PTPRG: variants seen among roughly 807,000 people sequenced by gnomAD.
PTPRG encodes the protein protein tyrosine phosphatase receptor type G.
In PTPRG, 102 loss-of-function variants were observed where a neutral mutation model predicts 165.3. That is an observed-to-expected ratio of 0.62 (90% CI 0.53 to 0.73). The LOEUF is 0.73. Ranked by LOEUF, PTPRG falls within the 30% of genes least tolerant of loss-of-function variation. PTPRG has a pLI of 0.00. For synonymous variants in PTPRG, 675 were observed against 669.5 expected (o/e 1.01, Z -0.13); for missense variants, 1,866 against 1,861.4 (o/e 1.00, Z -0.05).
chr3:61,906,777 CTGTAGGTA>C (rs1194125981), intron 2 of PTPRG, among the ~76,000 whole-genome samples: 2 of 141,138 alleles, frequency 1.4e-5, no homozygotes, highest in Non-Finnish European at 3.1e-5. Flanking sequence ...GAGTGAGACC[CTGTAGGTA>C]GGTAGGTAGG....
At chr3:61,670,524 C>A (rs886883613) in intron 1 of PTPRG, among the ~76,000 whole-genome samples, 16 of 152,202 alleles carry the variant, frequency 1.1e-4, no homozygotes, top group African/African-American at 3.9e-4. Flanking sequence ...CCTTATTGAT[C>A]AGCGCGACAT....
chr3:61,736,467 T>C (rs2032729254), intron 1 of PTPRG, among the ~76,000 whole-genome samples: 1 of 150,870 alleles, frequency 6.6e-6, no homozygotes, highest in Non-Finnish European at 1.5e-5. Flanking sequence ...TTTTCCCCCA[T>C]TGATCTGTCT....
chr3:61,561,986 C>G lies in PTPRG; in HGVS notation c.-302C>G, dbSNP rs973840788. 1.5e-4 allele frequency: 38 copies of G among 248,454 alleles called. No homozygotes were observed. The Admixed American group carries it at 2.0e-3, about 13-fold the overall frequency. The allele number at this position is 248,454 out of a possible 1,614,324, so 15.4% of individuals were successfully genotyped here. ...CTGCCCCAGGCCCGGGGCATCGCCG[C>G]CGGCCGCCGACTCCGCGCCCTGCCC... On this transcript the variant is annotated 5_prime_UTR_variant, in exon 1 of 30. Transcript: ENST00000474889.
chr3:61,918,329 G>A (rs1382076942), intron 2 of PTPRG, among the ~76,000 whole-genome samples: 1 of 152,088 alleles, frequency 6.6e-6, no homozygotes, highest in Non-Finnish European at 1.5e-5. Context: ...GCTTATAAAT[G>A]AGAAAGGAAA....
At chr3:62,112,879 C>T (rs1702721315) in intron 5 of PTPRG, among the ~76,000 whole-genome samples, 1 of 152,186 alleles carries the variant, frequency 6.6e-6, no homozygotes, top group Admixed American at 6.5e-5. Flanking sequence ...GTCAGATGTC[C>T]ATGATTGACT....
At position 62,213,552 on chromosome 3, in the gene PTPRG, G is replaced by A. The variant is rs1700418214; in HGVS notation, c.2156-5299G>A. ...TACCATTTGTCTCCCTTTGATACAG[G>A]AGTGAACAGACACTCAGAGATGGGC... is the stretch of plus-strand genomic sequence containing the variant. On this transcript the variant is annotated intron_variant, in intron 12 of 29. Coordinates refer to ENST00000474889, the MANE Select transcript of PTPRG (RefSeq NM_002841.4). The surrounding 1 kb of genome is among the most constrained non-coding windows in gnomAD (Gnocchi z 4.4). Among the ~76,000 whole-genome samples, 1 of 152,066 alleles carries A rather than the reference G, an allele frequency of 6.6e-6. No homozygotes were observed.
At chr3:62,191,760 C>T (rs1041558111) in intron 9 of PTPRG, 107 bp downstream of exon 9, 36 of 1,159,278 alleles carry the variant, frequency 3.1e-5, no homozygotes, top group Non-Finnish European at 4.3e-5. Flanking sequence ...CATCTGTCCT[C>T]ACACTGTCTG....
In PTPRG at chr3:62,281,620, T is replaced by A; in HGVS notation, c.3823T>A (p.Phe1275Ile). 6.3e-7 allele frequency: 1 copy of A among 1,577,810 alleles called. No individual in the cohort carries two copies. The highest frequency in any genetic ancestry group is 8.6e-7 in the Non-Finnish European group (1 of 1,161,424). ...AGAAGAATCCATGAACTGTGAGGCC[T>A]TTACCGTCACCCTTATCAGCAAAGA... ...SREESMNCEA[F>I]TVTLISKDRL... The change falls in exon 27 of 30, where the codon TTT becomes ATT. Residue 1275 changes from phenylalanine (F) to isoleucine (I), a missense_variant. Physicochemically the swap from Phe to Ile is conservative, Grantham distance 21. Transcript: ENST00000474889.
In PTPRG at chr3:62,007,120, G is replaced by A. The variant is rs114981339; in HGVS notation, c.519+3623G>A. Among the ~76,000 whole-genome samples, 1,282 of 152,216 alleles carry A rather than the reference G, an allele frequency of 8.4e-3. 27 individuals are homozygous for A. Among genetic ancestry groups the A allele is most frequent in the African/African-American group, 0.03 (1,232 of 41,530 alleles). ...GAATTTTAACAGCTCCCTCTGTGCTGTGGCTCTGCAGGCTGAATTTTAAAC... is the reference window on the plus strand; with the variant it reads ...GAATTTTAACAGCTCCCTCTGTGCTATGGCTCTGCAGGCTGAATTTTAAAC... On this transcript the variant is annotated intron_variant, in intron 4 of 29. Coordinates refer to ENST00000474889, the MANE Select transcript of PTPRG (RefSeq NM_002841.4).
chr3:61,787,104 CA>C (rs918052196), intron 2 of PTPRG, among the ~76,000 whole-genome samples: 45 of 146,070 alleles, frequency 3.1e-4, no homozygotes, highest in East Asian at 7.9e-4. Context: ...CTTTGTGTGC[CA>C]AAAAAAAAAG....
chr3:62,273,674 A>G lies in PTPRG; in HGVS notation c.3319-24A>G. The G allele has an allele frequency of 6.2e-7, 1 of 1,611,192 alleles. No individual in the cohort carries two copies. Among genetic ancestry groups the G allele is most frequent in the Non-Finnish European group, 8.5e-7 (1 of 1,177,636 alleles). ...GCTAACCCTTAACACTCCCTCAGTGACTACCATGTATTGTACCTCTTAGGA... is the reference window on the plus strand; with the variant it reads ...GCTAACCCTTAACACTCCCTCAGTGGCTACCATGTATTGTACCTCTTAGGA... On this transcript the variant is annotated intron_variant, in intron 22 of 29. Transcript: ENST00000474889. The surrounding 1 kb of genome is among the most constrained non-coding windows in gnomAD (Gnocchi z 4.1).
intron 1 of PTPRG, among the ~76,000 whole-genome samples, chr3:61,646,652 T>G (rs1002365998): frequency 6.6e-6 from 1 of 152,218 alleles, no homozygotes; most frequent in African/African-American, 2.4e-5. Flanking sequence ...TTATTTGTAT[T>G]TACTCAGTGG....
chr3:62,203,852 C>G lies in PTPRG; in HGVS notation c.2057C>G (p.Ala686Gly), dbSNP rs375290064. ...VPPTATEEQY[A>G]GSDPKRPEMP... Reference sequence around the variant, plus strand: ...CCCACCGCCACAGAGGAGCAGTATGCAGGGAGTGATCCCAAGAGGCCCGAA... The same window carrying G: ...CCCACCGCCACAGAGGAGCAGTATGGAGGGAGTGATCCCAAGAGGCCCGAA... Residue 686 changes from alanine to glycine, a missense_variant, in exon 12 of 30, where the codon GCA becomes GGA. Around this residue, in one of 3 missense-constraint regions of PTPRG, gnomAD observed 1,452 missense variants for 1,463.0 expected, o/e 0.99. Transcript: ENST00000474889. This position sits in a 1 kb window ranked among gnomAD's most constrained non-coding sequence, Gnocchi z 6.4. 2 of 1,614,024 alleles carry G rather than the reference C, an allele frequency of 1.2e-6. No homozygotes were observed. Among genetic ancestry groups the G allele is most frequent in the African/African-American group, 2.7e-5 (2 of 74,938 alleles).
At chr3:61,635,100 C>T (rs920417136) in intron 1 of PTPRG, among the ~76,000 whole-genome samples, 3 of 152,032 alleles carry the variant, frequency 2.0e-5, no homozygotes, top group Non-Finnish European at 2.9e-5. Context: ...ACTTCCTGAG[C>T]ATGCAATAAA....
chr3:61,643,065 C>A (rs1014911567), intron 1 of PTPRG, among the ~76,000 whole-genome samples: 7 of 152,048 alleles, frequency 4.6e-5, no homozygotes, highest in South Asian at 2.1e-4. Flanking sequence ...TCCAGACTGA[C>A]CAAAGGTCTG....
At chr3:61,832,937 A>G (rs1471373236) in intron 2 of PTPRG, among the ~76,000 whole-genome samples, 1 of 152,148 alleles carries the variant, frequency 6.6e-6, no homozygotes, top group Non-Finnish European at 1.5e-5. Context: ...GCTCCCACTT[A>G]TGAGTGAAAA....
chr3:61,875,479 G>A (rs2037710873), intron 2 of PTPRG, among the ~76,000 whole-genome samples: 1 of 152,134 alleles, frequency 6.6e-6, no homozygotes, highest in African/African-American at 2.4e-5. Flanking sequence ...TTATACAGAA[G>A]GGAAACTGGG....
intron 2 of PTPRG, among the ~76,000 whole-genome samples, chr3:61,890,361 G>A (rs1242340231): frequency 6.7e-6 from 1 of 150,358 alleles, no homozygotes; most frequent in African/African-American, 2.4e-5. Context: ...GCTGTGCAAG[G>A]CGATGGTCAG....
At chr3:61,679,803 CA>C (rs991286786) in intron 1 of PTPRG, among the ~76,000 whole-genome samples, 18 of 151,948 alleles carry the variant, frequency 1.2e-4, no homozygotes, top group Middle Eastern at 3.4e-3. Flanking sequence ...AACAGAAAAG[CA>C]AAAAAACCCC....
Sources: gnomAD v4.1 joint callset for allele counts (sites outside exome capture counted in the v4.1 genomes callset) on GRCh38, gnomAD v4.1.1 for gene constraint, gnomAD v4.1.1 regional missense constraint, Gnocchi (gnomAD v3.1) non-coding constraint, MANE v1.5 for transcripts, NCBI Gene and HGNC (gene_info 2026-07-23, HGNC 2026-07-21) for gene names.